The following STK17A variants were observed in gnomAD, a reference collection of about 807,000 sequenced individuals.
STK17A encodes serine/threonine-protein kinase 17A.
In STK17A, 26 loss-of-function variants were observed where a neutral mutation model predicts 43.7. The ratio of observed to expected loss-of-function variants is 0.60; its 90% CI spans 0.44 to 0.83. STK17A has a LOEUF of 0.83. STK17A is among the 40% of genes least tolerant of loss of function. The pLI is 0.00. For missense variants in STK17A, 476 were observed against 511.6 expected (o/e 0.93, Z 0.67); for synonymous variants, 191 against 182.5 (o/e 1.05, Z -0.38).
At chr7:43,609,306 T>C (rs2082667916) in intron 3 of STK17A, 1 of 152,296 alleles carries the variant, frequency 6.6e-6, no homozygotes, top group Admixed American at 6.5e-5. Flanking sequence ...AGATTCACTC[T>C]GATTACACCA....
At chr7:43,610,211 G>T (rs1337185640) in intron 3 of STK17A, among the ~76,000 whole-genome samples, 6 of 152,092 alleles carry the variant, frequency 3.9e-5, no homozygotes, top group Admixed American at 3.9e-4. Flanking sequence ...GCCAGGCATG[G>T]TGGTGGGTGC....
chr7:43,615,359 T>C (rs1405058203), intron 3 of STK17A, among the ~76,000 whole-genome samples: 1 of 152,056 alleles, frequency 6.6e-6, no homozygotes, highest in Non-Finnish European at 1.5e-5. Context: ...GTATTTTTGG[T>C]GGAGACAGGT....
intron 1 of STK17A, among the ~76,000 whole-genome samples, chr7:43,589,283 C>T (rs1372372840): frequency 2.0e-5 from 3 of 151,448 alleles, no homozygotes; most frequent in Non-Finnish European, 4.4e-5. Context: ...CTGAAACTCA[C>T]AGTCCAGCTG....
At chr7:43,609,115 G>A (rs1455144373) in intron 3 of STK17A, 1 of 152,250 alleles carries the variant, frequency 6.6e-6, no homozygotes, top group Non-Finnish European at 1.5e-5. Flanking sequence ...TCTAGCTTCA[G>A]TTATGACAGT....
intron 2 of STK17A, among the ~76,000 whole-genome samples, chr7:43,601,987 C>A (rs73693040): frequency 0.013 from 2,007 of 152,180 alleles, 54 homozygotes; most frequent in African/African-American, 0.046. Context: ...TTTTCTCCCC[C>A]ATATGGAGAA....
At chr7:43,585,428 G>A (rs532073747) in intron 1 of STK17A, among the ~76,000 whole-genome samples, 3 of 151,344 alleles carry the variant, frequency 2.0e-5, no homozygotes, top group South Asian at 2.1e-4. Flanking sequence ...TTAGCTTTCC[G>A]ATCAGGTTTT....
chr7:43,623,691 A>G lies in STK17A; in HGVS notation c.741-18A>G. ...GAGTATGGTACTAAATTTTTCTTGC[A>G]TTTTCTTTCTAATTTAGGAGCATTG... On this transcript the variant is annotated intron_variant, in intron 5 of 6. Coordinates refer to ENST00000319357, the MANE Select transcript of STK17A (RefSeq NM_004760.3). 3 of 1,600,938 alleles carry G rather than the reference A, an allele frequency of 1.9e-6. No homozygotes were observed. The highest frequency in any genetic ancestry group is 1.8e-5 in the Admixed American group (1 of 57,076).
Position 43,588,368 on chromosome 7 carries a change from A to G in STK17A, c.206+4919A>G, listed in dbSNP as rs924003031. ...GTTCCAAAGGATTAATAAATTGCCC[A>G]GTATTACACACTTGTTAGCCAGAAT... On this transcript the variant is annotated intron_variant, in intron 1 of 6. Transcript: ENST00000319357. Among the ~76,000 whole-genome samples the G allele has an allele frequency of 3.3e-5, 5 of 151,606 alleles. 1 individual carries two copies. Among genetic ancestry groups the G allele is most frequent in the Non-Finnish European group, 7.4e-5 (5 of 67,672 alleles).
chr7:43,605,950 T>C (rs2082585846), intron 2 of STK17A, among the ~76,000 whole-genome samples: 1 of 151,852 alleles, frequency 6.6e-6, no homozygotes, highest in African/African-American at 2.4e-5. Context: ...GGATGTGCTG[T>C]TACCATTTCA....
In STK17A at chr7:43,617,341, T is replaced by C. The variant is rs146980422; in HGVS notation, c.565-2256T>C. Among the ~76,000 whole-genome samples, 278 of 152,304 alleles carry C rather than the reference T, an allele frequency of 1.8e-3. 1 individual carries two copies. Among genetic ancestry groups the C allele is most frequent in the African/African-American group, 6.4e-3 (265 of 41,562 alleles). On this transcript the variant is annotated intron_variant, in intron 3 of 6. Coordinates refer to ENST00000319357, the MANE Select transcript of STK17A (RefSeq NM_004760.3). ...GCTTCAATGTGGGCAAAACAGATCC[T>C]AGCAAACCTTTGAAGAGGCCATTGC...
In STK17A at chr7:43,624,226, A is replaced by G. The variant is rs183473783; in HGVS notation, c.921-292A>G. Among the ~76,000 whole-genome samples, 11 of 152,336 alleles carry G rather than the reference A, an allele frequency of 7.2e-5. No individual in the cohort carries two copies. The East Asian group carries it at 1.7e-3, about 24-fold the overall frequency. On this transcript the variant is annotated intron_variant, in intron 6 of 6. Transcript: ENST00000319357. Reference sequence around the variant, plus strand: ...TAATTCATGGTTAGTAGAAATTGACAGTGAAATGACAGCTAATCTCTAGCA... The same window carrying G: ...TAATTCATGGTTAGTAGAAATTGACGGTGAAATGACAGCTAATCTCTAGCA...
At chr7:43,596,356 T>C (rs2152971180) in intron 2 of STK17A, among the ~76,000 whole-genome samples, 1 of 152,366 alleles carries the variant, frequency 6.6e-6, no homozygotes, top group Admixed American at 6.5e-5. Flanking sequence ...AAAGGTTATC[T>C]TACAATTTTA....
In STK17A at chr7:43,583,295, TCAGGCTCGGGCCGGGCAGG is replaced by T. The variant is rs1389058422; in HGVS notation, c.54_72del (p.Ser20ValfsTer2). On this transcript the variant is annotated frameshift_variant, in exon 1 of 7. Transcript: ENST00000319357. LOFTEE classifies it high-confidence loss of function. ...CGGCGGCTCCTCCCCAGGCGCCACC[TCAGGCTCGGGCCGGGCAGG>T]CCGGGGTCTGAGCGGGCCGTGCCGG... 2 of 1,538,074 alleles carry T rather than the reference TCAGGCTCGGGCCGGGCAGG, an allele frequency of 1.3e-6. No individual in the cohort carries two copies. The highest frequency in any genetic ancestry group is 8.7e-7 in the Non-Finnish European group (1 of 1,145,726).
intron 2 of STK17A, among the ~76,000 whole-genome samples, chr7:43,602,572 T>A (rs896583469): frequency 5.9e-5 from 9 of 152,226 alleles, no homozygotes; most frequent in African/African-American, 1.9e-4. Context: ...TTATCCCTTC[T>A]TTCTTGAAAT....
intron 1 of STK17A, among the ~76,000 whole-genome samples, 176 bp from the exon 2 acceptor site, chr7:43,595,725 A>T (rs1487987062): frequency 1.2e-4 from 19 of 152,232 alleles, no homozygotes; most frequent in Admixed American, 1.2e-3. Context: ...TTTATTTGAT[A>T]AATCTATAAA....
intron 1 of STK17A, among the ~76,000 whole-genome samples, chr7:43,593,463 C>T (rs1181402126): frequency 2.6e-5 from 4 of 152,202 alleles, no homozygotes; most frequent in African/African-American, 9.6e-5. Flanking sequence ...CTCTAAACTA[C>T]TTTCCATAGT....
chr7:43,603,156 T>C (rs1455184375), intron 2 of STK17A, among the ~76,000 whole-genome samples: 1 of 152,168 alleles, frequency 6.6e-6, no homozygotes, highest in Non-Finnish European at 1.5e-5. Context: ...ATAATAAAAA[T>C]ACAGATTTGG....
chr7:43,583,332 C>G lies in STK17A; in HGVS notation c.89C>G (p.Pro30Arg), dbSNP rs549741084. ...SGRAGRGLSG[P>R]CRPPPPPQAR... Reference sequence around the variant, plus strand: ...CGGGCAGGCCGGGGTCTGAGCGGGCCGTGCCGGCCGCCGCCGCCGCCCCAG... The same window carrying G: ...CGGGCAGGCCGGGGTCTGAGCGGGCGGTGCCGGCCGCCGCCGCCGCCCCAG... The change falls in exon 1 of 7, where the codon CCG (proline) becomes CGG (arginine). Residue 30 changes from proline (P) to arginine (R), a missense_variant. By Grantham distance (103) the Pro-to-Arg change is moderately radical (BLOSUM62 -2). Coordinates refer to ENST00000319357, the MANE Select transcript of STK17A (RefSeq NM_004760.3). The G allele has an allele frequency of 1.6e-5, 23 of 1,444,162 alleles. No individual in the cohort carries two copies. In the East Asian group the frequency reaches 2.4e-4, roughly 15 times the overall value. The allele number at this position is 1,444,162 out of a possible 1,614,324, so 89.5% of individuals were successfully genotyped here. A position where few individuals can be genotyped will look rare whatever the true frequency, so the allele number is the denominator to read the frequency against.
intron 2 of STK17A, among the ~76,000 whole-genome samples, chr7:43,607,619 GGCCTGGTGACA>G (rs1347024761): frequency 1.4e-5 from 2 of 145,184 alleles, no homozygotes; most frequent in Non-Finnish European, 3.0e-5. Flanking sequence ...ACTGCACTCC[GGCCTGGTGACA>G]GAGCAAGACT....
Sources: allele counts gnomAD v4.1 joint callset (sites outside exome capture counted in the v4.1 genomes callset), GRCh38; gene constraint gnomAD v4.1.1; transcripts MANE v1.5; gene names NCBI Gene and HGNC (gene_info 2026-07-23, HGNC 2026-07-21).